Variants in GRIA4 observed in about 807,000 individuals in gnomAD.
The protein encoded by GRIA4 is glutamate receptor 4.
A neutral mutation model predicts 104.0 loss-of-function variants in GRIA4; 34 were observed. The observed-to-expected ratio is 0.33, with a 90% CI of 0.25 to 0.44. GRIA4 has a LOEUF of 0.44. GRIA4 is among the 20% of genes least tolerant of loss of function. The probability of loss-of-function intolerance (pLI) is 1.00; values close to 1 mark genes in which losing one functional copy is unlikely to be tolerated. For missense variants in GRIA4, 750 were observed against 1,096.5 expected (o/e 0.68, Z 4.46); for synonymous variants, 386 against 381.9 (o/e 1.01, Z -0.13).
chr11:105,783,945 T>A (rs931640443), intron 4 of GRIA4, among the ~76,000 whole-genome samples: 1 of 152,208 alleles, frequency 6.6e-6, no homozygotes, highest in Non-Finnish European at 1.5e-5. Context: ...TAGATTTAAA[T>A]GTAACCGAAT....
intron 4 of GRIA4, among the ~76,000 whole-genome samples, chr11:105,786,535 GT>G (rs1264456377): frequency 6.6e-6 from 1 of 152,116 alleles, no homozygotes; most frequent in African/African-American, 2.4e-5. Context: ...ATTTTCATGT[GT>G]TGATGTTATA....
intron 4 of GRIA4, among the ~76,000 whole-genome samples, chr11:105,851,777 C>T (rs1944820115): frequency 6.6e-6 from 1 of 152,198 alleles, no homozygotes; most frequent in Non-Finnish European, 1.5e-5. Context: ...ATCCATCCCT[C>T]CTGTCACCAC....
At chr11:105,686,179 G>C (rs1019090500) in intron 3 of GRIA4, among the ~76,000 whole-genome samples, 15 of 152,126 alleles carry the variant, frequency 9.9e-5, no homozygotes, top group Admixed American at 9.8e-4. Context: ...CCCAGGTACT[G>C]AGCACAGTAC....
At chr11:105,788,475 G>T (rs1469662018) in intron 4 of GRIA4, among the ~76,000 whole-genome samples, 1 of 152,060 alleles carries the variant, frequency 6.6e-6, no homozygotes, top group Admixed American at 6.6e-5. Context: ...CAATAACAAG[G>T]TCACTGAATC....
intron 4 of GRIA4, among the ~76,000 whole-genome samples, chr11:105,807,325 T>C (rs967802371): frequency 1.3e-5 from 2 of 151,934 alleles, no homozygotes; most frequent in African/African-American, 4.8e-5. Context: ...ATGAATTGTA[T>C]GGAATCTAGA....
intron 4 of GRIA4, among the ~76,000 whole-genome samples, chr11:105,756,400 A>G (rs1319339330): frequency 6.6e-6 from 1 of 152,136 alleles, no homozygotes; most frequent in Non-Finnish European, 1.5e-5. Flanking sequence ...TCTGATTCCT[A>G]ATTACCGCAT....
intron 6 of GRIA4, among the ~76,000 whole-genome samples, chr11:105,888,071 T>G (rs1169141403): frequency 6.6e-6 from 1 of 152,140 alleles, no homozygotes; most frequent in African/African-American, 2.4e-5. Context: ...CATATTTTTA[T>G]GAAATTCTTA....
At chr11:105,850,899 C>A (rs1349960514) in intron 4 of GRIA4, among the ~76,000 whole-genome samples, 1 of 151,972 alleles carries the variant, frequency 6.6e-6, no homozygotes, top group Admixed American at 6.6e-5. Flanking sequence ...ATAAAATTAA[C>A]CCAAACTGAA....
At chr11:105,661,368 T>TC (rs1474606900) in intron 3 of GRIA4, among the ~76,000 whole-genome samples, 1 of 151,540 alleles carries the variant, frequency 6.6e-6, no homozygotes, top group Non-Finnish European at 1.5e-5. Context: ...CACTACCCCC[T>TC]AGAAATTGCT....
chr11:105,783,008 A>G (rs999647710), intron 4 of GRIA4, among the ~76,000 whole-genome samples: 4 of 152,234 alleles, frequency 2.6e-5, no homozygotes, highest in African/African-American at 9.6e-5. Flanking sequence ...ATGCAACTCA[A>G]TATCTGGCCC....
At chr11:105,844,969 G>C (rs1415319682) in intron 4 of GRIA4, among the ~76,000 whole-genome samples, 5 of 152,246 alleles carry the variant, frequency 3.3e-5, no homozygotes, top group Non-Finnish European at 7.3e-5. Flanking sequence ...TTCAGGCTCT[G>C]CTTAGTAGTT....
intron 4 of GRIA4, among the ~76,000 whole-genome samples, chr11:105,784,205 C>CATT (rs1941856859): frequency 6.6e-6 from 1 of 152,170 alleles, no homozygotes; most frequent in African/African-American, 2.4e-5. Context: ...TGTCTTAAGA[C>CATT]TAATAAGTAT....
rs147828021 is a variant in GRIA4, at chr11:105,753,085, A to G, written c.352A>G (p.Ile118Val). 27 of 1,613,870 alleles carry G rather than the reference A, an allele frequency of 1.7e-5. No homozygotes were observed. Among genetic ancestry groups the G allele is most frequent in the Non-Finnish European group, 2.0e-5 (24 of 1,179,882 alleles). The change falls in exon 4 of 17, where the codon ATC becomes GTC. Residue 118 changes from isoleucine to valine, a missense_variant. This residue lies in a region of GRIA4 where 410 missense variants were observed against 502.7 expected (regional missense o/e 0.82). Transcript: ENST00000282499. Reference sequence around the variant, plus strand: ...CTGCAGCGCCTTACATATCTCCCTCATCACACCAAGTTTCCCTACTGAGGG... The same window carrying G: ...CTGCAGCGCCTTACATATCTCCCTCGTCACACCAAGTTTCCCTACTGAGGG... ...SFCSALHISL[I>V]TPSFPTEGES...
At chr11:105,634,476 A>AGAAAGAAAGAAAG (rs1565419829) in intron 3 of GRIA4, among the ~76,000 whole-genome samples, 2 of 53,224 alleles carry the variant, frequency 3.8e-5, no homozygotes. Flanking sequence ...AGGGAAAGAA[A>AGAAAGAAAGAAAG]GAAAGAAAGA....
intron 5 of GRIA4, among the ~76,000 whole-genome samples, chr11:105,882,105 A>G (rs1405443421): frequency 6.6e-6 from 1 of 152,202 alleles, no homozygotes. Context: ...TGGAATTTCT[A>G]TAGAAAAAGA....
intron 14 of GRIA4, among the ~76,000 whole-genome samples, chr11:105,956,549 A>C (rs1948595860): frequency 6.6e-6 from 1 of 152,196 alleles, no homozygotes; most frequent in Non-Finnish European, 1.5e-5. Context: ...GCTATTGTGA[A>C]TAGTGCCACA....
intron 3 of GRIA4, among the ~76,000 whole-genome samples, chr11:105,711,725 C>T (rs1182803851): frequency 2.0e-5 from 3 of 152,134 alleles, no homozygotes; most frequent in African/African-American, 7.2e-5. Context: ...TAATCATGTT[C>T]CATGTCCAAG....
At chr11:105,790,709 CAT>C (rs1942178802) in intron 4 of GRIA4, among the ~76,000 whole-genome samples, 1 of 152,112 alleles carries the variant, frequency 6.6e-6, no homozygotes, top group Non-Finnish European at 1.5e-5. Context: ...GTTTGCAAGA[CAT>C]AGAATTATCA....
chr11:105,849,851 G>A (rs1161052581), intron 4 of GRIA4, among the ~76,000 whole-genome samples: 1 of 152,112 alleles, frequency 6.6e-6, no homozygotes, highest in Non-Finnish European at 1.5e-5. Flanking sequence ...ACTGGAATTT[G>A]TTGTTCTCGG....
Sources: gnomAD v4.1 joint callset for allele counts (sites outside exome capture counted in the v4.1 genomes callset) on GRCh38, gnomAD v4.1.1 for gene constraint, gnomAD v4.1.1 regional missense constraint, MANE v1.5 for transcripts, NCBI Gene and HGNC (gene_info 2026-07-23, HGNC 2026-07-21) for gene names.